The following ZNF705G variants were observed in gnomAD, a reference collection of about 807,000 sequenced individuals.
The protein encoded by ZNF705G is zinc finger protein 705G, also known as putative zinc finger protein 705G.
In ZNF705G, 23 loss-of-function variants were observed where a neutral mutation model predicts 19.6. That is an observed-to-expected ratio of 1.17 (90% CI 0.84 to 1.66). ZNF705G has a LOEUF of 1.66. ZNF705G is among the 40% of genes most tolerant of loss of function. The pLI is 0.00. For missense variants in ZNF705G, 457 were observed against 354.4 expected (o/e 1.29, Z -2.32); for synonymous variants, 146 against 117.7 (o/e 1.24, Z -1.56).
At chr8:7,367,268 A>T (rs1806899444) in intron 2 of ZNF705G, among the ~76,000 whole-genome samples, 1 of 149,314 alleles carries the variant, frequency 6.7e-6, no homozygotes, top group Non-Finnish European at 1.5e-5. Context: ...TACCCACTAG[A>T]AATGTCAGGT....
intron 1 of ZNF705G, among the ~76,000 whole-genome samples, chr8:7,382,033 G>A (rs980396115): frequency 2.9e-3 from 434 of 150,842 alleles, no homozygotes; most frequent in East Asian, 0.021. Flanking sequence ...ATGTGGCTAA[G>A]CACACAAGGG....
rs1341220136 is a variant in ZNF705G at position 7,360,691 on chromosome 8, C to T, written c.140-359G>A. Among the ~76,000 whole-genome samples the T allele has an allele frequency of 7.4e-5, 11 of 149,542 alleles. 1 individual carries two copies. The highest frequency in any genetic ancestry group is 1.0e-4 in the African/African-American group (4 of 38,978). ...CTCACGCACAACAAAAAAAAACATT[C>T]GATTTACAAAAATAATTGGTGTTCT... On this transcript the variant is annotated intron_variant, in intron 4 of 6. Transcript: ENST00000400156.
rs1391020994 is a variant in ZNF705G, at chr8:7,355,866, G to C, written c.*2110C>G. On this transcript the variant is annotated 3_prime_UTR_variant, in exon 7 of 7. Coordinates refer to ENST00000400156, the MANE Select transcript of ZNF705G (RefSeq NM_001164457.3). ...TCTCCAACCAGTTTGCCAAGGGCTT[G>C]AATTTCTTGCTCATTATCCTCACAC... The C allele has an allele frequency of 6.7e-6, 1 of 149,610 alleles. No individual in the cohort carries two copies. The highest frequency in any genetic ancestry group is 1.5e-5 in the Non-Finnish European group (1 of 68,022). 9.3% of individuals were successfully genotyped at this position (149,610 alleles called of 1,614,324 possible).
At chr8:7,366,126 C>T (rs1402574324) in intron 2 of ZNF705G, among the ~76,000 whole-genome samples, 13 of 148,348 alleles carry the variant, frequency 8.8e-5, no homozygotes, top group Admixed American at 2.6e-4. Flanking sequence ...GAAACCAAAA[C>T]GAATATATAT....
In ZNF705G at chr8:7,375,219, C is replaced by G. The variant is rs1242164265; in HGVS notation, c.-72+6233G>C. 2.2e-5 allele frequency among the ~76,000 whole-genome samples: 2 copies of G among 90,342 alleles called. 1 individual carries two copies. The allele number at this position is 90,342 out of a possible 152,430, so 59.3% of individuals were successfully genotyped here. ...GGTAAGACCCAATCTCTCTTGTTCC[C>G]ATTTTTATGTCCATGTGCACTCATT... is the stretch of plus-strand genomic sequence containing the variant. On this transcript the variant is annotated intron_variant, in intron 2 of 6. Transcript: ENST00000400156.
rs747246295 is a variant in ZNF705G at position 7,358,089 on chromosome 8, C to T, written c.790G>A (p.Ala264Thr). 32 of 1,607,946 alleles carry T rather than the reference C, an allele frequency of 2.0e-5. No homozygotes were observed. The highest frequency in any genetic ancestry group is 2.2e-5 in the East Asian group (1 of 44,870). The change falls in exon 7 of 7, where the codon GCC (alanine) becomes ACC (threonine). Residue 264 changes from alanine to threonine, a missense_variant. Ala to Thr is a moderately conservative substitution (Grantham distance 58). Coordinates refer to ENST00000400156, the MANE Select transcript of ZNF705G (RefSeq NM_001164457.3). ...CTAAAGCCAGAGCTTTGACTAAAGG[C>T]TTTCCCACTTTTATCACATTCATAA... ...KCYECDKSGKAFSQSSGFRGN... is the reference protein window; with the variant it reads ...KCYECDKSGKTFSQSSGFRGN...
intron 2 of ZNF705G, among the ~76,000 whole-genome samples, chr8:7,380,841 G>C (rs1013796985): frequency 7.6e-5 from 11 of 143,858 alleles, no homozygotes; most frequent in Non-Finnish European, 1.5e-4. Context: ...CCAACATGGA[G>C]AAACTCCATC....
chr8:7,369,374 G>A lies in ZNF705G; in HGVS notation c.-71-6357C>T, dbSNP rs1239813415. 1.3e-5 allele frequency among the ~76,000 whole-genome samples: 2 copies of A among 149,326 alleles called. 1 individual carries two copies. The highest frequency in any genetic ancestry group is 2.9e-5 in the Non-Finnish European group (2 of 68,020). Reference sequence around the variant, plus strand: ...CTACAGCAGTGCAGAGGGAAAATGTGGCGTTGGAACCCCCACAGAGTCCAC... The same window carrying A: ...CTACAGCAGTGCAGAGGGAAAATGTAGCGTTGGAACCCCCACAGAGTCCAC... On this transcript the variant is annotated intron_variant, in intron 2 of 6. Coordinates refer to ENST00000400156, the MANE Select transcript of ZNF705G (RefSeq NM_001164457.3).
intron 6 of ZNF705G, among the ~76,000 whole-genome samples, chr8:7,359,277 C>G (rs918529204): frequency 6.7e-6 from 1 of 149,598 alleles, no homozygotes; most frequent in Non-Finnish European, 1.5e-5. Flanking sequence ...TCATTTTTCT[C>G]GATTGACAAT....
At chr8:7,360,783 G>A (rs1309487989) in intron 4 of ZNF705G, among the ~76,000 whole-genome samples, 2 of 149,466 alleles carry the variant, frequency 1.3e-5, no homozygotes, top group Non-Finnish European at 2.9e-5. Context: ...TAAAGCAGAA[G>A]AGTTATTTAG....
chr8:7,363,116 G>A (rs1217210264), intron 2 of ZNF705G, 99 bp from the exon 3 acceptor site: 3 of 1,467,020 alleles, frequency 2.0e-6, no homozygotes, highest in Non-Finnish European at 2.8e-6. Flanking sequence ...TGTGACACCA[G>A]CTGCACCACA....
intron 2 of ZNF705G, among the ~76,000 whole-genome samples, chr8:7,366,054 A>T (rs1806840717): frequency 6.7e-6 from 1 of 149,654 alleles, no homozygotes; most frequent in Non-Finnish European, 1.5e-5. Flanking sequence ...CATTCTAGCA[A>T]TGAACAAATA....
intron 2 of ZNF705G, among the ~76,000 whole-genome samples, chr8:7,369,274 T>C (rs1289166952): frequency 6.7e-6 from 1 of 149,518 alleles, no homozygotes; most frequent in African/African-American, 2.6e-5. Flanking sequence ...TTTGCCTGGA[T>C]TTCTAAAGAT....
chr8:7,367,985 C>G (rs1248641898), intron 2 of ZNF705G, among the ~76,000 whole-genome samples: 3 of 149,652 alleles, frequency 2.0e-5, no homozygotes, highest in Non-Finnish European at 4.4e-5. Flanking sequence ...TATCTACCTT[C>G]CAAGGCAAGT....
rs577912432 is a variant in ZNF705G at position 7,360,905 on chromosome 8, A to G, written c.139+205T>C. 2.6e-4 allele frequency among the ~76,000 whole-genome samples: 39 copies of G among 149,724 alleles called. 2 individuals are homozygous for G. In the South Asian group the frequency reaches 4.8e-3, roughly 18 times the overall value. ...GAAATCCTTGTCAAGACTACATTCT[A>G]ATTGAGTGACAAACTAAATAAAATA... On this transcript the variant is annotated intron_variant, in intron 4 of 6. Transcript: ENST00000400156.
In ZNF705G at chr8:7,355,736, G is replaced by C. The variant is rs1308874498; in HGVS notation, c.*2240C>G. 4.0e-5 allele frequency: 6 copies of C among 149,524 alleles called. 1 individual carries two copies. Among genetic ancestry groups the C allele is most frequent in the African/African-American group, 1.5e-4 (6 of 38,934 alleles). The allele number at this position is 149,524 out of a possible 1,614,324, so 9.3% of individuals were successfully genotyped here. A position where few individuals can be genotyped will look rare whatever the true frequency, so the allele number is the denominator to read the frequency against. ...AATAGTACATCTTAATGTGGTTCAGGAGTACATATAATGTCAGTCACAGTT... is the reference window on the plus strand; with the variant it reads ...AATAGTACATCTTAATGTGGTTCAGCAGTACATATAATGTCAGTCACAGTT... On this transcript the variant is annotated 3_prime_UTR_variant, in exon 7 of 7. Transcript: ENST00000400156.
chr8:7,356,841 A>C lies in ZNF705G; in HGVS notation c.*1135T>G, dbSNP rs1042453525. ...ATTCTTTCAATATTTGTAAGTATTG[A>C]TCTTTTGGAAAAGTTTAATGAGATT... On this transcript the variant is annotated 3_prime_UTR_variant, in exon 7 of 7. Transcript: ENST00000400156. 2.0e-5 allele frequency: 3 copies of C among 149,948 alleles called. No homozygotes were observed. Among genetic ancestry groups the C allele is most frequent in the Non-Finnish European group, 4.4e-5 (3 of 68,024 alleles). 9.3% of individuals were successfully genotyped at this position (149,948 alleles called of 1,614,324 possible).
chr8:7,381,026 C>CAAAAAAAAAAAA (rs1410321278), intron 2 of ZNF705G, among the ~76,000 whole-genome samples: 3 of 12,306 alleles, frequency 2.4e-4, no homozygotes, highest in South Asian at 3.9e-3. Flanking sequence ...AAACCACCAC[C>CAAAAAAAAAAAA]AAAAAAAAAA....
At chr8:7,381,926 A>G (rs1807514878) in intron 1 of ZNF705G, among the ~76,000 whole-genome samples, 1 of 152,004 alleles carries the variant, frequency 6.6e-6, no homozygotes, top group African/African-American at 2.4e-5. Flanking sequence ...CATAGAGTAA[A>G]TGGATCTTTT....
Sources: allele counts gnomAD v4.1 joint callset (sites outside exome capture counted in the v4.1 genomes callset), GRCh38; gene constraint gnomAD v4.1.1; transcripts MANE v1.5; gene names NCBI Gene and HGNC (gene_info 2026-07-23, HGNC 2026-07-21).